NBAS: variants seen among roughly 807,000 people sequenced by gnomAD.
The protein encoded by NBAS is NAG/BC035112 fusion.
A neutral mutation model predicts 302.5 loss-of-function variants in NBAS; 219 were observed. That is an observed-to-expected ratio of 0.72 (90% CI 0.65 to 0.81). The LOEUF is 0.81. Among genes scored for constraint, NBAS ranks in the 30% least tolerant of loss-of-function variants. The pLI is 0.00. For missense variants in NBAS, 2,932 were observed against 2,841.6 expected, an observed-to-expected ratio of 1.03 and a Z score of -0.72; for synonymous variants, 1,118 against 1,021.6, an observed-to-expected ratio of 1.09 and a Z score of -1.80.
chr2:15,165,834 C>T (rs550458620), downstream of NBAS, among the ~76,000 whole-genome samples: 1 of 152,284 alleles, frequency 6.6e-6, no homozygotes, highest in South Asian at 2.1e-4. Flanking sequence ...AAATTACTCC[C>T]TATAACAATG....
the NBAS span, among the ~76,000 whole-genome samples, chr2:14,804,340 G>C: frequency 3.9e-5 from 6 of 152,184 alleles, no homozygotes; most frequent in African/African-American, 1.4e-4. Flanking sequence ...TAGTGCTGAA[G>C]TGCTGTCTGG....
chr2:15,289,723 C>A (rs535492669), intron 41 of NBAS, among the ~76,000 whole-genome samples: 2 of 152,046 alleles, frequency 1.3e-5, no homozygotes, highest in East Asian at 3.9e-4. Flanking sequence ...TGCAGCTGGG[C>A]GCGGTGGCTC....
the NBAS span, among the ~76,000 whole-genome samples, chr2:14,907,916 T>C: frequency 6.6e-6 from 1 of 152,142 alleles, no homozygotes; most frequent in Non-Finnish European, 1.5e-5. Flanking sequence ...ATAAGAGGCT[T>C]TTGTCTTTTG....
intron 21 of NBAS, among the ~76,000 whole-genome samples, chr2:15,437,159 G>A (rs1304388206): frequency 2.0e-5 from 3 of 151,922 alleles, no homozygotes; most frequent in African/African-American, 4.8e-5. Flanking sequence ...GTGACTCTTC[G>A]CCTGTGTATG....
chr2:15,377,742 G>A (rs1403562079), intron 30 of NBAS, among the ~76,000 whole-genome samples: 1 of 152,178 alleles, frequency 6.6e-6, no homozygotes, highest in African/African-American at 2.4e-5. Context: ...ACACAATGCT[G>A]TAAAGCATAT....
At chr2:15,219,536 A>C (rs1444591860) in intron 47 of NBAS, among the ~76,000 whole-genome samples, 23 of 135,122 alleles carry the variant, frequency 1.7e-4, no homozygotes, top group African/African-American at 6.2e-4. Flanking sequence ...CTTAACGAGC[A>C]TGCTGCCTTC....
At chr2:15,193,638 C>T (rs1471396771) in intron 48 of NBAS, among the ~76,000 whole-genome samples, 1 of 151,648 alleles carries the variant, frequency 6.6e-6, no homozygotes, top group African/African-American at 2.4e-5. Flanking sequence ...GAAAATGGGC[C>T]TAAAATTAGA....
chr2:14,991,091 A>G, the NBAS span, among the ~76,000 whole-genome samples: 23 of 152,062 alleles, frequency 1.5e-4, no homozygotes, highest in Non-Finnish European at 2.9e-4. Context: ...ACGAGTTAGC[A>G]GGGCAGATGG....
At chr2:15,042,467 C>A in the NBAS span, among the ~76,000 whole-genome samples, 1 of 152,148 alleles carries the variant, frequency 6.6e-6, no homozygotes, top group Non-Finnish European at 1.5e-5. Flanking sequence ...AAATGAACAA[C>A]AATCAGGCTA....
At chr2:14,881,901 C>G in the NBAS span, among the ~76,000 whole-genome samples, 3 of 152,154 alleles carry the variant, frequency 2.0e-5, no homozygotes, top group African/African-American at 7.2e-5. Flanking sequence ...TACTGGGGAA[C>G]CTGCCAAAAT....
the NBAS span, among the ~76,000 whole-genome samples, chr2:14,828,948 C>T: frequency 1.1e-4 from 16 of 151,912 alleles, no homozygotes; most frequent in African/African-American, 3.9e-4. Context: ...ATGATAGAAA[C>T]AGATTGCTTT....
At chr2:14,841,355 G>A in the NBAS span, among the ~76,000 whole-genome samples, 6 of 151,000 alleles carry the variant, frequency 4.0e-5, no homozygotes, top group African/African-American at 1.5e-4. Context: ...AAATATAAAT[G>A]GAGTCAATTC....
chr2:15,081,798 G>C, the NBAS span, among the ~76,000 whole-genome samples: 3 of 152,200 alleles, frequency 2.0e-5, no homozygotes, highest in Non-Finnish European at 4.4e-5. Flanking sequence ...CACAGCCCCA[G>C]TTGTTTGACA....
chr2:14,782,461 T>C, the NBAS span, among the ~76,000 whole-genome samples: 1 of 152,094 alleles, frequency 6.6e-6, no homozygotes, highest in Non-Finnish European at 1.5e-5. Flanking sequence ...AAAAATAACA[T>C]GCTGGCAAGG....
chr2:15,031,265 GCT>G, the NBAS span, among the ~76,000 whole-genome samples: 1 of 152,260 alleles, frequency 6.6e-6, no homozygotes, highest in East Asian at 1.9e-4. Flanking sequence ...CCACTAAATA[GCT>G]GTGTGAGCTT....
chr2:14,805,907 C>T, the NBAS span, among the ~76,000 whole-genome samples: 1 of 152,104 alleles, frequency 6.6e-6, no homozygotes, highest in Non-Finnish European at 1.5e-5. Context: ...AGCTCATCTC[C>T]AGTATAATGC....
chr2:14,854,162 C>T, the NBAS span, among the ~76,000 whole-genome samples: 1 of 150,914 alleles, frequency 6.6e-6, no homozygotes, highest in Non-Finnish European at 1.5e-5. Context: ...AAACCAAAAC[C>T]TATAGGATAC....
intron 38 of NBAS, among the ~76,000 whole-genome samples, chr2:15,316,719 A>G (rs961975377): frequency 6.6e-6 from 1 of 152,214 alleles, no homozygotes; most frequent in East Asian, 1.9e-4. Flanking sequence ...TAAAGTGGCC[A>G]GGAAGCGCGA....
the NBAS span, among the ~76,000 whole-genome samples, chr2:15,026,721 G>T: frequency 5.9e-5 from 9 of 152,050 alleles, no homozygotes; most frequent in Non-Finnish European, 1.2e-4. Context: ...TTTTAGTTAA[G>T]AAGATATTCC....
Sources: allele counts gnomAD v4.1 joint callset (sites outside exome capture counted in the v4.1 genomes callset), GRCh38; gene constraint gnomAD v4.1.1; transcripts MANE v1.5; gene names NCBI Gene and HGNC (gene_info 2026-07-23, HGNC 2026-07-21).